Variants in LRRTM4 observed in about 807,000 individuals in gnomAD.
LRRTM4 encodes leucine-rich repeat transmembrane neuronal protein 4.
In LRRTM4, 25 loss-of-function variants were observed where a neutral mutation model predicts 47.6. That is an observed-to-expected ratio of 0.53 (90% CI 0.38 to 0.73). The LOEUF (loss-of-function observed/expected upper bound fraction) is 0.73, where lower values mean the gene tolerates loss of function less well. Ranked by LOEUF, LRRTM4 falls within the 30% of genes least tolerant of loss-of-function variation. The pLI, the probability that LRRTM4 is intolerant of heterozygous loss-of-function variation, is 0.00. For synonymous variants in LRRTM4, 311 were observed against 269.5 expected (o/e 1.15, Z -1.51); for missense variants, 638 against 713.4 (o/e 0.89, Z 1.20).
At chr2:77,060,726 TACCTTGGGTAAGTGC>T (rs1360449898) in intron 3 of LRRTM4, among the ~76,000 whole-genome samples, 1 of 152,164 alleles carries the variant, frequency 6.6e-6, no homozygotes, top group Non-Finnish European at 1.5e-5. Flanking sequence ...TAACAGTTCT[TACCTTGGGTAAGTGC>T]AATGTATCTT....
At chr2:77,233,522 ATT>A (rs1675023099) in intron 3 of LRRTM4, among the ~76,000 whole-genome samples, 1 of 152,104 alleles carries the variant, frequency 6.6e-6, no homozygotes, top group Non-Finnish European at 1.5e-5. Context: ...ATTTCTAAAT[ATT>A]ACTATATTTT....
intron 3 of LRRTM4, among the ~76,000 whole-genome samples, chr2:77,373,927 A>G (rs1421640074): frequency 6.6e-6 from 1 of 151,810 alleles, no homozygotes; most frequent in Non-Finnish European, 1.5e-5. Context: ...CCAGAAAATC[A>G]TATAGTGGAA....
chr2:76,935,262 G>A (rs1674905409), intron 3 of LRRTM4, among the ~76,000 whole-genome samples: 1 of 152,140 alleles, frequency 6.6e-6, no homozygotes, highest in Non-Finnish European at 1.5e-5. Context: ...TAGCCTCGTA[G>A]TATAGTGTGA....
chr2:77,503,488 T>C (rs1396046365), intron 3 of LRRTM4, among the ~76,000 whole-genome samples: 1 of 151,704 alleles, frequency 6.6e-6, no homozygotes, highest in Non-Finnish European at 1.5e-5. Flanking sequence ...TGAATTCAGG[T>C]GTCAAATAAG....
chr2:77,087,386 C>G (rs1466755047), intron 3 of LRRTM4, among the ~76,000 whole-genome samples: 1 of 152,198 alleles, frequency 6.6e-6, no homozygotes, highest in Non-Finnish European at 1.5e-5. Context: ...CTGCTCTCAG[C>G]AGTTAAGAAT....
intron 3 of LRRTM4, among the ~76,000 whole-genome samples, chr2:77,446,206 T>G (rs1676044358): frequency 6.6e-6 from 1 of 152,080 alleles, no homozygotes; most frequent in African/African-American, 2.4e-5. Flanking sequence ...TTCTGTATCA[T>G]GTTTCTCCAT....
intron 3 of LRRTM4, among the ~76,000 whole-genome samples, chr2:76,930,389 G>C (rs1157769164): frequency 6.6e-6 from 1 of 152,164 alleles, no homozygotes; most frequent in Non-Finnish European, 1.5e-5. Flanking sequence ...TCTGTAATTA[G>C]TAAACGTGTC....
chr2:77,208,615 T>C lies in LRRTM4; in HGVS notation c.1551+309703A>G, dbSNP rs923963490. Among the ~76,000 whole-genome samples, 3 of 152,046 alleles carry C rather than the reference T, an allele frequency of 2.0e-5. No homozygotes were observed. The East Asian group carries it at 5.8e-4, about 30-fold the overall frequency. ...ACACATATATATGAAGTCACACATA[T>C]ATATGAATGTATGAGGTGAGGTTTT... On this transcript the variant is annotated intron_variant, in intron 3 of 3. Coordinates refer to ENST00000409884, the MANE Select transcript of LRRTM4 (RefSeq NM_001134745.3).
At chr2:77,073,533 A>T (rs1003741157) in intron 3 of LRRTM4, among the ~76,000 whole-genome samples, 1 of 152,128 alleles carries the variant, frequency 6.6e-6, no homozygotes. Flanking sequence ...ATCCACACAA[A>T]TCATTAGCAT....
chr2:76,857,173 A>C (rs1208368304), intron 3 of LRRTM4, among the ~76,000 whole-genome samples: 1 of 151,532 alleles, frequency 6.6e-6, no homozygotes, highest in Non-Finnish European at 1.5e-5. Flanking sequence ...ACTCAACATG[A>C]AGATAACAAG....
chr2:77,059,341 T>G (rs779578281), intron 3 of LRRTM4, among the ~76,000 whole-genome samples: 1 of 151,518 alleles, frequency 6.6e-6, no homozygotes, highest in Non-Finnish European at 1.5e-5. Context: ...TTCAGTAGAG[T>G]TGTCTTAATA....
chr2:77,231,132 T>C (rs1187561227), intron 3 of LRRTM4, among the ~76,000 whole-genome samples: 1 of 152,156 alleles, frequency 6.6e-6, no homozygotes, highest in African/African-American at 2.4e-5. Flanking sequence ...CAAGTTTAAA[T>C]ATAGTCTCTG....
intron 3 of LRRTM4, among the ~76,000 whole-genome samples, chr2:77,473,632 A>G (rs1020218421): frequency 1.3e-5 from 2 of 152,140 alleles, no homozygotes; most frequent in African/African-American, 4.8e-5. Flanking sequence ...TTTTTGCCTC[A>G]TGAGGCCTTC....
intron 3 of LRRTM4, among the ~76,000 whole-genome samples, chr2:76,966,497 C>G (rs1449020317): frequency 1.3e-5 from 2 of 151,466 alleles, no homozygotes; most frequent in South Asian, 4.1e-4. Flanking sequence ...TTCAAACATG[C>G]ATAAGGCTCT....
chr2:76,967,033 G>T (rs914239091), intron 3 of LRRTM4, among the ~76,000 whole-genome samples: 16 of 151,172 alleles, frequency 1.1e-4, no homozygotes, highest in Admixed American at 9.3e-4. Flanking sequence ...AAATAAATTT[G>T]TACTTAATCA....
chr2:76,825,263 A>C (rs1038845307), intron 3 of LRRTM4, among the ~76,000 whole-genome samples: 2 of 151,676 alleles, frequency 1.3e-5, no homozygotes, highest in Non-Finnish European at 3.0e-5. Context: ...TGCCAAGAGT[A>C]CAAGTTAAAG....
At chr2:77,173,113 AT>A (rs1673101964) in intron 3 of LRRTM4, among the ~76,000 whole-genome samples, 2 of 152,224 alleles carry the variant, frequency 1.3e-5, no homozygotes, top group Admixed American at 1.3e-4. Context: ...ATCTTGATTA[AT>A]ATGAGTGAAA....
intron 3 of LRRTM4, among the ~76,000 whole-genome samples, chr2:76,763,061 A>G (rs890040372): frequency 7.2e-5 from 11 of 152,292 alleles, no homozygotes; most frequent in Non-Finnish European, 7.4e-5. Context: ...CTTCCTTTCT[A>G]TCGCCTAGGA....
chr2:77,479,282 AT>A (rs1205357658), intron 3 of LRRTM4, among the ~76,000 whole-genome samples: 2 of 152,092 alleles, frequency 1.3e-5, no homozygotes, highest in Non-Finnish European at 2.9e-5. Context: ...CTAAGGTCTG[AT>A]TTTTTTTATA....
Sources: allele counts gnomAD v4.1 joint callset (sites outside exome capture counted in the v4.1 genomes callset), GRCh38; gene constraint gnomAD v4.1.1; transcripts MANE v1.5; gene names NCBI Gene and HGNC (gene_info 2026-07-23, HGNC 2026-07-21).